The following OSBPL10 variants were observed in gnomAD, a reference collection of about 807,000 sequenced individuals.
The protein encoded by OSBPL10 is oxysterol binding protein like 10, also known as oxysterol-binding protein-related protein 10.
A neutral mutation model predicts 81.7 loss-of-function variants in OSBPL10; 49 were observed. That is an observed-to-expected ratio of 0.60 (90% CI 0.48 to 0.76). The LOEUF (loss-of-function observed/expected upper bound fraction) is 0.76, where lower values mean the gene tolerates loss of function less well. Ranked by LOEUF, OSBPL10 falls within the 30% of genes least tolerant of loss-of-function variation. The pLI is 0.00. For missense variants in OSBPL10, 923 were observed against 987.8 expected (o/e 0.93, Z 0.88); for synonymous variants, 419 against 383.6 (o/e 1.09, Z -1.08).
intron 1 of OSBPL10, among the ~76,000 whole-genome samples, chr3:32,055,915 T>G (rs1699708021): frequency 6.6e-6 from 1 of 152,192 alleles, no homozygotes; most frequent in Admixed American, 6.5e-5. Context: ...GATGGTTGTA[T>G]GTGTAAACCC....
chr3:31,978,396 A>G (rs1698742221), intron 1 of OSBPL10, among the ~76,000 whole-genome samples: 1 of 152,232 alleles, frequency 6.6e-6, no homozygotes, highest in Non-Finnish European at 1.5e-5. Flanking sequence ...TAGGTGCTCA[A>G]TAAAACAGTC....
intron 1 of OSBPL10, among the ~76,000 whole-genome samples, chr3:31,948,909 T>A (rs1440716844): frequency 6.6e-6 from 1 of 152,184 alleles, no homozygotes. Flanking sequence ...GCCAAATAAG[T>A]AAATTCCAGA....
intron 1 of OSBPL10, among the ~76,000 whole-genome samples, chr3:31,931,311 C>A (rs1697243549): frequency 6.6e-6 from 1 of 152,164 alleles, no homozygotes; most frequent in African/African-American, 2.4e-5. Context: ...CCCCCAACCA[C>A]TTATTAAATT....
At chr3:31,662,268 A>T in intron 11 of OSBPL10, 152 bp from the exon 12 acceptor site, 1 of 1,423,524 alleles carries the variant, frequency 7.0e-7, no homozygotes, top group Admixed American at 2.9e-5. Flanking sequence ...TCCTCAGCCC[A>T]GCTGCTCTTT....
At chr3:31,735,956 G>A (rs563370555) in intron 5 of OSBPL10, among the ~76,000 whole-genome samples, 2 of 152,218 alleles carry the variant, frequency 1.3e-5, no homozygotes, top group African/African-American at 4.8e-5. Flanking sequence ...CCATGAACAT[G>A]ATTTAGCAAA....
At chr3:31,798,430 C>CAA (rs5847719) in intron 4 of OSBPL10, among the ~76,000 whole-genome samples, 67 of 147,366 alleles carry the variant, frequency 4.5e-4, no homozygotes, top group South Asian at 1.7e-3. Flanking sequence ...AACTCCATCT[C>CAA]AAAAAAAAAA....
At chr3:32,052,049 C>A (rs1327476283) in intron 1 of OSBPL10, among the ~76,000 whole-genome samples, 1 of 151,864 alleles carries the variant, frequency 6.6e-6, no homozygotes, top group Non-Finnish European at 1.5e-5. Flanking sequence ...AGTTCAAGAC[C>A]AGCCTGGGAA....
At chr3:31,827,833 T>C (rs1700138364) in intron 4 of OSBPL10, among the ~76,000 whole-genome samples, 2 of 152,184 alleles carry the variant, frequency 1.3e-5, no homozygotes, top group African/African-American at 4.8e-5. Flanking sequence ...AGAATTTATA[T>C]AAATAAAACT....
chr3:31,820,766 G>T (rs1213757136), intron 4 of OSBPL10, among the ~76,000 whole-genome samples: 1 of 152,016 alleles, frequency 6.6e-6, no homozygotes, highest in African/African-American at 2.4e-5. Flanking sequence ...TTCTGCTTTG[G>T]GACTTTAACT....
At position 31,702,218 on chromosome 3, in the gene OSBPL10, T is replaced by C. The variant is rs2125592426; in HGVS notation, c.1245+141A>G. On this transcript the variant is annotated intron_variant, in intron 7 of 11. Transcript: ENST00000396556. Reference sequence around the variant, plus strand: ...TTTCAAATTATACCTGGAATATCCATACTTGAAAGCAATGCTGGCCTTTTT... The same window carrying C: ...TTTCAAATTATACCTGGAATATCCACACTTGAAAGCAATGCTGGCCTTTTT... The C allele has an allele frequency of 4.1e-6, 4 of 985,796 alleles. No individual in the cohort carries two copies. The East Asian group carries it at 7.8e-5, about 19-fold the overall frequency. The allele number at this position is 985,796 out of a possible 1,614,324, so 61.1% of individuals were successfully genotyped here.
At chr3:31,754,993 T>A (rs1697844729) in intron 4 of OSBPL10, among the ~76,000 whole-genome samples, 1 of 152,230 alleles carries the variant, frequency 6.6e-6, no homozygotes, top group African/African-American at 2.4e-5. Context: ...GGTCCTGGCC[T>A]GCTTGTATGG....
intron 3 of OSBPL10, among the ~76,000 whole-genome samples, chr3:31,865,191 C>A (rs556602088): frequency 6.6e-6 from 1 of 152,258 alleles, no homozygotes; most frequent in East Asian, 1.9e-4. Context: ...TCTTAGAAAC[C>A]ATTAAGTAAT....
At chr3:31,878,834 T>TGTGG (rs1701550012) in intron 2 of OSBPL10, among the ~76,000 whole-genome samples, 1 of 151,930 alleles carries the variant, frequency 6.6e-6, no homozygotes, top group South Asian at 2.1e-4. Flanking sequence ...TGTGTGTGTG[T>TGTGG]GTGTGTGTGT....
intron 8 of OSBPL10, among the ~76,000 whole-genome samples, chr3:31,677,878 G>C (rs996795464): frequency 4.0e-5 from 6 of 151,228 alleles, no homozygotes; most frequent in Non-Finnish European, 2.9e-5. Context: ...TCAGGAGATC[G>C]AGACCATCCT....
At chr3:31,803,817 A>T (rs979789459) in intron 4 of OSBPL10, among the ~76,000 whole-genome samples, 8 of 152,200 alleles carry the variant, frequency 5.3e-5, no homozygotes, top group African/African-American at 1.9e-4. Context: ...GGTCATGTGC[A>T]CTTTTGGTAA....
chr3:31,805,996 C>T (rs1336626600), intron 4 of OSBPL10, among the ~76,000 whole-genome samples: 1 of 152,206 alleles, frequency 6.6e-6, no homozygotes, highest in African/African-American at 2.4e-5. Context: ...TCTGCATGTA[C>T]ATTTGCAGAG....
intron 4 of OSBPL10, among the ~76,000 whole-genome samples, chr3:31,751,615 C>T (rs1697723487): frequency 6.6e-6 from 1 of 152,110 alleles, no homozygotes; most frequent in South Asian, 2.1e-4. Flanking sequence ...GCTAACAGTG[C>T]CCCTTGAGTA....
At chr3:31,932,153 C>G (rs1362733207) in intron 1 of OSBPL10, among the ~76,000 whole-genome samples, 1 of 152,138 alleles carries the variant, frequency 6.6e-6, no homozygotes, top group Non-Finnish European at 1.5e-5. Flanking sequence ...AACATGGTCT[C>G]TCATTCAAGA....
At chr3:31,729,978 G>C (rs1451120001) in intron 6 of OSBPL10, among the ~76,000 whole-genome samples, 1 of 152,222 alleles carries the variant, frequency 6.6e-6, no homozygotes, top group Non-Finnish European at 1.5e-5. Flanking sequence ...AACGTGTTCA[G>C]AACTCCAACT....
Sources: gnomAD v4.1 joint callset for allele counts (sites outside exome capture counted in the v4.1 genomes callset) on GRCh38, gnomAD v4.1.1 for gene constraint, MANE v1.5 for transcripts, NCBI Gene and HGNC (gene_info 2026-07-23, HGNC 2026-07-21) for gene names.